NREP: variants seen among roughly 807,000 people sequenced by gnomAD.
The protein encoded by NREP is neuronal regeneration related protein, also known as neuronal regeneration-related protein.
A neutral mutation model predicts 8.6 loss-of-function variants in NREP; 5 were observed. That is an observed-to-expected ratio of 0.58 (90% CI 0.30 to 1.22). NREP has a LOEUF of 1.22. Ranked by LOEUF, NREP falls within the 50% of genes most tolerant of loss-of-function variation. The pLI is 0.07. For missense variants in NREP, 86 were observed against 82.5 expected, an observed-to-expected ratio of 1.04 and a Z score of -0.17; for synonymous variants, 27 against 28.0, an observed-to-expected ratio of 0.96 and a Z score of 0.11.
At chr5:111,909,895 T>G (rs1273644197) in intron 2 of NREP, among the ~76,000 whole-genome samples, 1 of 152,086 alleles carries the variant, frequency 6.6e-6, no homozygotes, top group Admixed American at 6.6e-5. Context: ...TTATCATCCT[T>G]GCAATTCTAA....
Position 111,835,634 on chromosome 5 carries a change from C to T in NREP, c.136-100127G>A, listed in dbSNP as rs377580328. Among the ~76,000 whole-genome samples, 10 of 152,188 alleles carry T rather than the reference C, an allele frequency of 6.6e-5. No homozygotes were observed. The East Asian group carries it at 1.7e-3, about 26-fold the overall frequency. ...GTCAACCAAGATAGAAGATCAGATA[C>T]TTTAATAAGGCTGGAACATAGGTTA... On this transcript the variant is annotated intron_variant, in intron 2 of 3. Transcript: ENST00000395634.
chr5:111,976,799 G>T, exon 1 of NREP: 1 of 1,473,026 alleles, frequency 6.8e-7, no homozygotes, highest in Non-Finnish European at 9.3e-7. Flanking sequence ...GAAGCTTCTT[G>T]CCGGGAGTTG....
intron 2 of NREP, among the ~76,000 whole-genome samples, chr5:111,928,620 C>T (rs908015061): frequency 1.3e-5 from 2 of 152,042 alleles, no homozygotes; most frequent in African/African-American, 4.8e-5. Context: ...TCTTTGTTTT[C>T]CTCTCATACA....
chr5:111,849,376 A>T (rs1753255888), intron 2 of NREP, among the ~76,000 whole-genome samples: 1 of 152,098 alleles, frequency 6.6e-6, no homozygotes, highest in South Asian at 2.1e-4. Context: ...GTGAGGGAGG[A>T]GAGTAAAGAG....
chr5:111,798,734 GGTGTGTGTGTGT>G (rs571252142), intron 2 of NREP, among the ~76,000 whole-genome samples: 6 of 135,584 alleles, frequency 4.4e-5, no homozygotes, highest in African/African-American at 5.6e-5. Context: ...AGTATTCCAT[GGTGTGTGTGTGT>G]GTGTGTGTGT....
chr5:111,911,241 G>C (rs1013796658), intron 2 of NREP, among the ~76,000 whole-genome samples: 1 of 152,054 alleles, frequency 6.6e-6, no homozygotes, highest in Non-Finnish European at 1.5e-5. Flanking sequence ...TCTGCATCCA[G>C]AGTTCTGGAT....
At chr5:111,896,942 T>C (rs17560784) in intron 2 of NREP, among the ~76,000 whole-genome samples, 2,073 of 152,302 alleles carry the variant, frequency 0.014, 31 homozygotes, top group African/African-American at 0.036. Context: ...AAATACCATA[T>C]ATTCTCTCAA....
chr5:111,908,545 C>A (rs11949783), intron 2 of NREP, among the ~76,000 whole-genome samples: 19,745 of 152,026 alleles, frequency 0.13, 1,719 homozygotes, highest in African/African-American at 0.24. Flanking sequence ...GTTTTCTGTT[C>A]CTGCATTAAT....
At chr5:111,745,342 A>C (rs1392809325) in intron 2 of NREP, among the ~76,000 whole-genome samples, 2 of 152,194 alleles carry the variant, frequency 1.3e-5, no homozygotes, top group Non-Finnish European at 2.9e-5. Context: ...GTCTTAGAGT[A>C]ACAACTTTGG....
intron 2 of NREP, among the ~76,000 whole-genome samples, chr5:111,926,916 G>C (rs1046785614): frequency 6.6e-6 from 1 of 151,348 alleles, no homozygotes; most frequent in African/African-American, 2.4e-5. Flanking sequence ...TGGACCCGGA[G>C]GAGTGGGTCA....
chr5:111,846,966 C>A (rs1048090850), intron 2 of NREP, among the ~76,000 whole-genome samples: 1 of 152,088 alleles, frequency 6.6e-6, no homozygotes, highest in Non-Finnish European at 1.5e-5. Context: ...TACTAAATGT[C>A]ATAAAGTCAG....
intron 2 of NREP, among the ~76,000 whole-genome samples, chr5:111,919,330 C>A (rs1037657259): frequency 1.3e-5 from 2 of 152,092 alleles, no homozygotes; most frequent in Non-Finnish European, 2.9e-5. Flanking sequence ...CCTCAAGGAT[C>A]TAGAACCAGA....
chr5:111,866,976 C>G (rs1753680915), intron 2 of NREP, among the ~76,000 whole-genome samples: 1 of 150,486 alleles, frequency 6.6e-6, no homozygotes, highest in African/African-American at 2.5e-5. Context: ...AGGGGAACAT[C>G]ACACACCGGG....
At chr5:111,794,154 A>G (rs1751822293) in intron 2 of NREP, among the ~76,000 whole-genome samples, 1 of 152,262 alleles carries the variant, frequency 6.6e-6, no homozygotes, top group Admixed American at 6.5e-5. Context: ...GCCAAAATCT[A>G]AAACACTGAC....
chr5:111,763,894 G>A (rs1751023002), intron 2 of NREP, among the ~76,000 whole-genome samples: 1 of 152,128 alleles, frequency 6.6e-6, no homozygotes. Flanking sequence ...GGTATTTTCT[G>A]TAACACTGGG....
chr5:111,779,251 T>C (rs991095334), intron 2 of NREP, among the ~76,000 whole-genome samples: 14 of 152,128 alleles, frequency 9.2e-5, no homozygotes, highest in African/African-American at 3.1e-4. Flanking sequence ...AAGGGGTGCA[T>C]CCAGACCTCC....
chr5:111,844,037 A>G (rs1753096818), intron 2 of NREP, among the ~76,000 whole-genome samples: 1 of 152,228 alleles, frequency 6.6e-6, no homozygotes, highest in Non-Finnish European at 1.5e-5. Flanking sequence ...AAGGACAAGT[A>G]TAGGTATAAT....
At chr5:111,810,147 T>G (rs986376437) in intron 2 of NREP, among the ~76,000 whole-genome samples, 5 of 151,670 alleles carry the variant, frequency 3.3e-5, no homozygotes, top group South Asian at 4.2e-4. Flanking sequence ...AAAAAATAAG[T>G]TGGAGTAGAG....
chr5:111,965,321 A>T (rs1351620756), intron 2 of NREP, among the ~76,000 whole-genome samples: 1 of 152,180 alleles, frequency 6.6e-6, no homozygotes, highest in East Asian at 1.9e-4. Context: ...GCCAATTAAA[A>T]TATTTAATAC....
Sources: allele counts gnomAD v4.1 joint callset (sites outside exome capture counted in the v4.1 genomes callset), GRCh38; gene constraint gnomAD v4.1.1; transcripts MANE v1.5; gene names NCBI Gene and HGNC (gene_info 2026-07-23, HGNC 2026-07-21).